ACOT9: variants seen among roughly 807,000 people sequenced by gnomAD.
ACOT9 encodes the protein acyl-CoA thioesterase 9, also known as acyl-coenzyme A thioesterase 9, mitochondrial.
A neutral mutation model predicts 39.7 loss-of-function variants in ACOT9; 34 were observed. The observed-to-expected ratio is 0.86, with a 90% CI of 0.65 to 1.14. ACOT9 has a LOEUF of 1.14. Among genes scored for constraint, ACOT9 ranks in the 50% most tolerant of loss-of-function variants. ACOT9 has a pLI of 0.00. For missense variants in ACOT9, 313 were observed against 344.1 expected (o/e 0.91, Z 0.71); for synonymous variants, 110 against 120.5 (o/e 0.91, Z 0.57).
intron 1 of ACOT9, among the ~76,000 whole-genome samples, chrX:23,739,791 T>C (rs749661353): frequency 2.4e-4 from 26 of 110,025 alleles, no homozygotes; most frequent in Non-Finnish European, 4.5e-4. Flanking sequence ...AGCAAGACTC[T>C]GTCTCCAAAA....
intron 15 of ACOT9, among the ~76,000 whole-genome samples, 168 bp downstream of exon 15, chrX:23,704,526 G>A (rs774021809): frequency 2.7e-5 from 3 of 110,321 alleles, no homozygotes; most frequent in African/African-American, 9.9e-5. Context: ...CCCGCCTGGG[G>A]GCCACAGGCA....
At position 23,713,168 on chromosome X, in the gene ACOT9, A is replaced by C; in HGVS notation, c.629T>G (p.Phe210Cys). 8.3e-7 allele frequency: 1 copy of C among 1,209,674 alleles called. No individual in the cohort carries two copies. Among genetic ancestry groups the C allele is most frequent in the African/African-American group, 1.7e-5 (1 of 57,907 alleles). The change falls in exon 9 of 16, where the codon TTT becomes TGT. Residue 210 changes from phenylalanine (F) to cysteine (C), a missense_variant. Transcript: ENST00000379303. ...TTCAGAATCACGAGCCACCATTACAAATGTTGCATCCAAAACAGGACAAAA... is the reference window on the plus strand; with the variant it reads ...TTCAGAATCACGAGCCACCATTACACATGTTGCATCCAAAACAGGACAAAA... ...DEFCPVLDATFVMVARDSENK... is the reference protein window; with the variant it reads ...DEFCPVLDATCVMVARDSENK...
intron 1 of ACOT9, among the ~76,000 whole-genome samples, chrX:23,739,016 G>T (rs1313570319): frequency 8.9e-6 from 1 of 112,031 alleles, no homozygotes; most frequent in Admixed American, 9.5e-5. Flanking sequence ...CCAACACTTT[G>T]GGAGGCCGAG....
chrX:23,713,884 A>T (rs761253112), intron 8 of ACOT9, among the ~76,000 whole-genome samples: 1 of 110,574 alleles, frequency 9.0e-6, no homozygotes, highest in South Asian at 3.8e-4. Flanking sequence ...AATAAAAATT[A>T]AAAAATTAGC....
chrX:23,737,173 T>C (rs760049107), intron 1 of ACOT9, among the ~76,000 whole-genome samples: 2 of 109,764 alleles, frequency 1.8e-5, no homozygotes, highest in Admixed American at 2.0e-4. Context: ...ATTAGCCGGG[T>C]GTGGTGGCAG....
rs758854116 is a variant in ACOT9, at chrX:23,704,104, G to C, written c.1259-122C>G. 5.6e-6 allele frequency: 3 copies of C among 532,965 alleles called. No individual in the cohort carries two copies. The African/African-American group carries it at 7.0e-5, about 12-fold the overall frequency. 43.9% of individuals were successfully genotyped at this position (532,965 alleles called of 1,213,427 possible). A position where few individuals can be genotyped will look rare whatever the true frequency, so the allele number is the denominator to read the frequency against. Reference sequence around the variant, plus strand: ...CAGAACAAGATACACTGTTGGGCCGGGGTGTGCCACATTCCCAAAGGAGCA... The same window carrying C: ...CAGAACAAGATACACTGTTGGGCCGCGGTGTGCCACATTCCCAAAGGAGCA... On this transcript the variant is annotated intron_variant, in intron 15 of 15. Coordinates refer to ENST00000379303, the MANE Select transcript of ACOT9 (RefSeq NM_001037171.2).
intron 1 of ACOT9, among the ~76,000 whole-genome samples, chrX:23,737,187 C>T (rs773734482): frequency 1.2e-4 from 13 of 111,119 alleles, no homozygotes; most frequent in Non-Finnish European, 2.3e-4. Context: ...GTGGCAGGCA[C>T]CTGTAATCCC....
chrX:23,704,901 G>A (rs1461544240), intron 14 of ACOT9, 57 bp from the exon 15 acceptor site: 1 of 1,175,721 alleles, frequency 8.5e-7, no homozygotes, highest in African/African-American at 1.8e-5. Context: ...GAAAAAGGCA[G>A]TCATAAGAGA....
Position 23,730,546 on chromosome X carries a change from C to T in ACOT9, c.381G>A (p.Glu127=), listed in dbSNP as rs768591700. Residue 127 remains glutamate (E), a synonymous_variant, in exon 6 of 16, where the codon GAG becomes GAA. Coordinates refer to ENST00000379303, the MANE Select transcript of ACOT9 (RefSeq NM_001037171.2). ...CAGTACCTCCCAAGCTGTCAAGATC[C>T]TCAAGAATCCTGCCAAATCTGTGAA... The part of the protein sequence containing the change: ...QNTVRFGRIL[E]DLDSLGVLIC... The T allele has an allele frequency of 4.1e-6, 5 of 1,207,721 alleles. No homozygotes were observed. Among genetic ancestry groups the T allele is most frequent in the African/African-American group, 1.7e-5 (1 of 57,728 alleles).
intron 10 of ACOT9, 100 bp from the exon 11 acceptor site, chrX:23,706,839 A>G (rs1928710475): frequency 2.1e-6 from 1 of 475,362 alleles, no homozygotes; most frequent in Non-Finnish European, 3.6e-6. Context: ...TGAAAATTAT[A>G]CACGTATCCA....
rs781367884 is a variant in ACOT9 at position 23,708,549 on chromosome X, A to G, written c.663-605T>C. 6.2e-3 allele frequency among the ~76,000 whole-genome samples: 688 copies of G among 110,482 alleles called. 2 individuals are homozygous for G. Among genetic ancestry groups the G allele is most frequent in the African/African-American group, 0.021 (645 of 30,421 alleles). On this transcript the variant is annotated intron_variant, in intron 9 of 15. Transcript: ENST00000379303. Reference sequence around the variant, plus strand: ...CTGTCTCAAAAAAAGAAAAAAAAAAAAAAAAGAAAAAGAAAACTGGCTTGA... The same window carrying G: ...CTGTCTCAAAAAAAGAAAAAAAAAAGAAAAAGAAAAAGAAAACTGGCTTGA...
At chrX:23,720,331 T>A (rs767447110) in intron 8 of ACOT9, among the ~76,000 whole-genome samples, 17 of 112,197 alleles carry the variant, frequency 1.5e-4, no homozygotes, top group African/African-American at 5.2e-4. Context: ...AGGGCCCAAC[T>A]GTGTCCCCCA....
intron 9 of ACOT9, among the ~76,000 whole-genome samples, chrX:23,710,859 G>A (rs1046791744): frequency 9.1e-6 from 1 of 109,728 alleles, no homozygotes; most frequent in African/African-American, 3.3e-5. Flanking sequence ...AAATTAGCTC[G>A]GCATGGTGGT....
At position 23,731,003 on chromosome X, in the gene ACOT9, C is replaced by A. The variant is rs1365021176; in HGVS notation, c.192-17G>T. 8.4e-7 allele frequency: 1 copy of A among 1,196,046 alleles called. No homozygotes were observed. The highest frequency in any genetic ancestry group is 1.1e-6 in the Non-Finnish European group (1 of 884,992). ...ACATGGTCTCTGAGAAGAAAGGATGCAGGATTCATAAAACAAGAGCAGTTC... is the reference window on the plus strand; with the variant it reads ...ACATGGTCTCTGAGAAGAAAGGATGAAGGATTCATAAAACAAGAGCAGTTC... On this transcript the variant is annotated splice_polypyrimidine_tract_variant and intron_variant, in intron 4 of 15. Coordinates refer to ENST00000379303, the MANE Select transcript of ACOT9 (RefSeq NM_001037171.2).
intron 1 of ACOT9, among the ~76,000 whole-genome samples, chrX:23,742,184 TAAC>T (rs1274127108): frequency 1.5e-4 from 14 of 91,204 alleles, no homozygotes; most frequent in Admixed American, 8.0e-4. Flanking sequence ...TTACAACTGA[TAAC>T]AAAGTCCCCA....
chrX:23,715,479 G>A (rs1204156078), intron 8 of ACOT9, among the ~76,000 whole-genome samples: 3 of 110,834 alleles, frequency 2.7e-5, no homozygotes, highest in Non-Finnish European at 5.7e-5. Context: ...AAGAGAAGTA[G>A]ATGTCACTCT....
chrX:23,742,213 TGAGAGAGAGAGAGAGAGAGAGAGGGA>T (rs1920975189), intron 1 of ACOT9, among the ~76,000 whole-genome samples: 1 of 68,910 alleles, frequency 1.5e-5, no homozygotes. Context: ...AGTGAGTGAG[TGAGAGAGAGAGAGAGAGAGAGAGGGA>T]GAGAGAGAGA....
chrX:23,728,186 C>CGGG (rs1929603789), intron 6 of ACOT9, among the ~76,000 whole-genome samples: 1 of 110,938 alleles, frequency 9.0e-6, no homozygotes, highest in African/African-American at 3.3e-5. Flanking sequence ...CCTTTCCCAA[C>CGGG]CATTCAGCCC....
At chrX:23,704,232 A>G (rs781196892) in intron 15 of ACOT9, among the ~76,000 whole-genome samples, 2 of 96,223 alleles carry the variant, frequency 2.1e-5, no homozygotes, top group South Asian at 5.3e-4. Context: ...GTGCAGTGGC[A>G]CAATCTCAGC....
Sources: allele counts gnomAD v4.1 joint callset (sites outside exome capture counted in the v4.1 genomes callset), GRCh38; gene constraint gnomAD v4.1.1; transcripts MANE v1.5; gene names NCBI Gene and HGNC (gene_info 2026-07-23, HGNC 2026-07-21).